CNBD1: variants seen among roughly 807,000 people sequenced by gnomAD.
CNBD1 encodes the protein cyclic nucleotide-binding domain-containing protein 1.
A neutral mutation model predicts 54.4 loss-of-function variants in CNBD1; 71 were observed. The observed-to-expected ratio is 1.30, with a 90% CI of 1.08 to 1.59. The LOEUF (loss-of-function observed/expected upper bound fraction) is 1.59, where lower values mean the gene tolerates loss of function less well. Among genes scored for constraint, CNBD1 ranks in the 40% most tolerant of loss-of-function variants. The pLI, the probability that CNBD1 is intolerant of heterozygous loss-of-function variation, is 0.00. For missense variants in CNBD1, 659 were observed against 518.0 expected (o/e 1.27, Z -2.64); for synonymous variants, 182 against 170.7 (o/e 1.07, Z -0.51).
intron 4 of CNBD1, among the ~76,000 whole-genome samples, chr8:87,080,689 T>C (rs1044387912): frequency 4.6e-5 from 7 of 152,360 alleles, no homozygotes; most frequent in African/African-American, 1.7e-4. Flanking sequence ...GAACTTGTTC[T>C]GTAGTCTTCT....
chr8:87,188,575 C>G (rs1250652322), intron 4 of CNBD1, among the ~76,000 whole-genome samples: 1 of 151,506 alleles, frequency 6.6e-6, no homozygotes, highest in Non-Finnish European at 1.5e-5. Context: ...ACTAAAAATA[C>G]AAAAATTAGG....
At chr8:86,913,896 C>G (rs986586203) in intron 3 of CNBD1, among the ~76,000 whole-genome samples, 1 of 152,072 alleles carries the variant, frequency 6.6e-6, no homozygotes, top group Admixed American at 6.5e-5. Flanking sequence ...ATTTTAGAGG[C>G]CCCGCCCTGG....
rs528956129 is a variant in CNBD1 at position 86,937,629 on chromosome 8, C to T, written c.273-1967C>T. Among the ~76,000 whole-genome samples, 13 of 152,262 alleles carry T rather than the reference C, an allele frequency of 8.5e-5. 1 individual carries two copies. The South Asian group carries it at 1.5e-3, about 17-fold the overall frequency. On this transcript the variant is annotated intron_variant, in intron 3 of 10. Transcript: ENST00000518476. ...TGTAAACTTGCACCCTCTGAAGCAA[C>T]GGTTTGACCTCTACGTTGGCCCCTT...
chr8:87,176,123 G>T (rs1256885717), intron 4 of CNBD1, among the ~76,000 whole-genome samples: 1 of 152,208 alleles, frequency 6.6e-6, no homozygotes, highest in Admixed American at 6.5e-5. Flanking sequence ...GACAATTCAA[G>T]ACTGTCTTTT....
intron 4 of CNBD1, among the ~76,000 whole-genome samples, chr8:87,183,838 C>T (rs1261594381): frequency 2.0e-5 from 3 of 152,208 alleles, no homozygotes; most frequent in Non-Finnish European, 2.9e-5. Context: ...TATGCTCTAA[C>T]CCTGGGGGCA....
chr8:87,144,658 C>T (rs1812444697), intron 4 of CNBD1, among the ~76,000 whole-genome samples: 1 of 151,920 alleles, frequency 6.6e-6, no homozygotes, highest in Non-Finnish European at 1.5e-5. Flanking sequence ...ACCATCTCTA[C>T]TAAAAATACA....
intron 2 of CNBD1, among the ~76,000 whole-genome samples, chr8:87,392,457 C>G (rs2130970664): frequency 6.6e-6 from 1 of 152,076 alleles, no homozygotes; most frequent in South Asian, 2.1e-4. Context: ...TAAGCATATT[C>G]TGGAATATTC....
intron 2 of CNBD1, among the ~76,000 whole-genome samples, chr8:87,414,006 G>A (rs897021960): frequency 2.0e-5 from 3 of 151,990 alleles, no homozygotes; most frequent in Non-Finnish European, 2.9e-5. Flanking sequence ...ATTTGACCCA[G>A]CCATCCCATT....
intron 2 of CNBD1, among the ~76,000 whole-genome samples, chr8:87,417,410 A>C (rs984299715): frequency 1.3e-5 from 2 of 151,982 alleles, no homozygotes; most frequent in Admixed American, 6.6e-5. Flanking sequence ...TATTACCCAC[A>C]TGATCTCTTT....
chr8:87,290,073 G>A (rs117674860), intron 8 of CNBD1, among the ~76,000 whole-genome samples: 1,813 of 151,942 alleles, frequency 0.012, 16 homozygotes, highest in Middle Eastern at 0.031. Flanking sequence ...TTTCAATTTA[G>A]CAGAATCTAC....
chr8:87,353,704 CCTT>C lies in CNBD1; in HGVS notation c.1226_1228del (p.Leu409del), dbSNP rs779115559. The C allele has an allele frequency of 6.2e-6, 10 of 1,610,854 alleles. No homozygotes were observed. In the African/African-American group the frequency reaches 9.4e-5, roughly 15 times the overall value. On this transcript the variant is annotated inframe_deletion, in exon 10 of 11. Transcript: ENST00000518476. Reference sequence around the variant, plus strand: ...AGGAGTCCTTTGGTGAGATTAGCGTCCTTCTTCAAGTTCCTTTCACGTGCACAA... The same window carrying C: ...AGGAGTCCTTTGGTGAGATTAGCGTCCTTCAAGTTCCTTTCACGTGCACAA...
chr8:87,294,348 T>C (rs1462686997), intron 8 of CNBD1, among the ~76,000 whole-genome samples: 1 of 152,186 alleles, frequency 6.6e-6, no homozygotes, highest in Non-Finnish European at 1.5e-5. Flanking sequence ...TTTTCAGATC[T>C]CTACCAGAGT....
intron 4 of CNBD1, among the ~76,000 whole-genome samples, chr8:87,095,456 G>A (rs1811297918): frequency 6.6e-6 from 1 of 152,126 alleles, no homozygotes; most frequent in African/African-American, 2.4e-5. Flanking sequence ...TAGATTAGAT[G>A]TCTCTCTTCT....
chr8:87,181,512 A>C (rs2943169), intron 4 of CNBD1, among the ~76,000 whole-genome samples: 150,926 of 152,304 alleles, frequency 0.99, 74,786 homozygotes, highest in East Asian at 1. Flanking sequence ...AAGTTGTTCA[A>C]AATATTCACT....
At chr8:86,927,727 T>C (rs979214957) in intron 3 of CNBD1, among the ~76,000 whole-genome samples, 1 of 152,134 alleles carries the variant, frequency 6.6e-6, no homozygotes, top group African/African-American at 2.4e-5. Context: ...AATGATTCCA[T>C]CAAAGGGACA....
chr8:86,870,189 C>CTTTTTTTTTTTTTTTTTT lies in CNBD1; in HGVS notation c.88+3621_88+3622insTTTTTTTTTTTTTTTTTT, dbSNP rs71275890. Among the ~76,000 whole-genome samples, 486 of 100,498 alleles carry CTTTTTTTTTTTTTTTTTT rather than the reference C, an allele frequency of 4.8e-3. 78 individuals are homozygous for CTTTTTTTTTTTTTTTTTT. The highest frequency in any genetic ancestry group is 9.5e-3 in the African/African-American group (237 of 24,872). The allele number at this position is 100,498 out of a possible 152,430, so 65.9% of individuals were successfully genotyped here. ...AGAAATTTAGAAACAAGATAGTACT[C>CTTTTTTTTTTTTTTTTTT]TTTTTTTTTTTTTTTCTGAGACGGA... is the stretch of plus-strand genomic sequence containing the variant. On this transcript the variant is annotated intron_variant, in intron 1 of 10. Transcript: ENST00000518476.
chr8:86,869,395 G>A (rs1808409621), intron 1 of CNBD1, among the ~76,000 whole-genome samples: 1 of 152,092 alleles, frequency 6.6e-6, no homozygotes, highest in South Asian at 2.1e-4. Context: ...CTTACCTCCT[G>A]CCCTGAATTT....
At chr8:87,035,322 T>C (rs1809900093) in intron 4 of CNBD1, among the ~76,000 whole-genome samples, 1 of 152,194 alleles carries the variant, frequency 6.6e-6, no homozygotes, top group Non-Finnish European at 1.5e-5. Flanking sequence ...TAGTCTTACA[T>C]TTCCTTTCTC....
intron 8 of CNBD1, among the ~76,000 whole-genome samples, chr8:87,287,826 A>C (rs1267624838): frequency 6.6e-6 from 1 of 151,960 alleles, no homozygotes; most frequent in African/African-American, 2.4e-5. Context: ...TTTCTTCCAA[A>C]TTTCCTTCTA....
Sources: gnomAD v4.1 joint callset for allele counts (sites outside exome capture counted in the v4.1 genomes callset) on GRCh38, gnomAD v4.1.1 for gene constraint, MANE v1.5 for transcripts, NCBI Gene and HGNC (gene_info 2026-07-23, HGNC 2026-07-21) for gene names.